Variants in AIFM2 observed in about 807,000 individuals in gnomAD.
The protein encoded by AIFM2 is ferroptosis suppressor protein 1.
A neutral mutation model predicts 35.7 loss-of-function variants in AIFM2; 38 were observed. The ratio of observed to expected loss-of-function variants is 1.06; its 90% CI spans 0.82 to 1.39. The LOEUF is 1.39. AIFM2 is among the 40% of genes most tolerant of loss of function. The pLI, the probability that AIFM2 is intolerant of heterozygous loss-of-function variation, is 0.00. For missense variants in AIFM2, 476 were observed against 491.2 expected, an observed-to-expected ratio of 0.97 and a Z score of 0.29; for synonymous variants, 185 against 203.5, an observed-to-expected ratio of 0.91 and a Z score of 0.77.
intron 3 of AIFM2, among the ~76,000 whole-genome samples, chr10:70,122,825 T>A (rs951973878): frequency 6.6e-6 from 1 of 152,176 alleles, no homozygotes; most frequent in African/African-American, 2.4e-5. Context: ...AATGAAGTTA[T>A]ACCACCTTCG....
intron 5 of AIFM2, among the ~76,000 whole-genome samples, chr10:70,119,867 C>T (rs1365315284): frequency 6.6e-6 from 1 of 152,232 alleles, no homozygotes; most frequent in Admixed American, 6.5e-5. Flanking sequence ...AGGATTTCCT[C>T]TTTCTCGCTA....
rs118135233 is a variant in AIFM2 at position 70,116,662 on chromosome 10, G to C, written c.729C>G (p.Thr243=). The C allele has an allele frequency of 8.7e-6, 14 of 1,614,150 alleles. No homozygotes were observed. The South Asian group carries it at 1.5e-4, about 18-fold the overall frequency. ...EVATNLVILC[T]GIKINSSAYR... ...AGGCGGAGCTGTTGATCTTGATGCC[G>C]GTGCAGAGAATCACCAGGTTGGTGG... The change falls in exon 7 of 9, where the codon ACC becomes ACG. Residue 243 remains threonine, a synonymous_variant. Coordinates refer to ENST00000307864, the MANE Select transcript of AIFM2 (RefSeq NM_032797.6).
chr10:70,113,514 G>A lies in AIFM2; in HGVS notation c.*664C>T, dbSNP rs1010275977. ...TGCACTCCAGCCTGGGTGACAGGGC[G>A]AGACTGTCTCAAAAATAAATAAACA... On this transcript the variant is annotated 3_prime_UTR_variant, in exon 9 of 9. Coordinates refer to ENST00000307864, the MANE Select transcript of AIFM2 (RefSeq NM_032797.6). 2 of 152,380 alleles carry A rather than the reference G, an allele frequency of 1.3e-5. No individual in the cohort carries two copies. Among genetic ancestry groups the A allele is most frequent in the African/African-American group, 2.4e-5 (1 of 41,458 alleles). The allele number at this position is 152,380 out of a possible 1,614,324, so 9.4% of individuals were successfully genotyped here.
chr10:70,124,132 A>G (rs1564553911), intron 1 of AIFM2, 35 bp from the exon 2 acceptor site: 7 of 1,387,032 alleles, frequency 5.0e-6, no homozygotes, highest in Non-Finnish European at 5.7e-6. Context: ...TATCAGAGTC[A>G]GGGAGGCTGG....
In AIFM2 at chr10:70,117,684, G is replaced by A; in HGVS notation, c.616+128C>T. ...CTGAGCGCTTCATGCTCCACCCCAG[G>A]ACACAGTGGAAAAGAGAGAGCCTGG... is the stretch of plus-strand genomic sequence containing the variant. On this transcript the variant is annotated intron_variant, in intron 6 of 8. Transcript: ENST00000307864. This position sits in a 1 kb window ranked among gnomAD's most constrained non-coding sequence, Gnocchi z 4.7. The A allele has an allele frequency of 1.5e-6, 1 of 686,878 alleles. No homozygotes were observed. The highest frequency in any genetic ancestry group is 2.4e-6 in the Non-Finnish European group (1 of 423,270). The allele number at this position is 686,878 out of a possible 1,614,324, so 42.5% of individuals were successfully genotyped here. A position where few individuals can be genotyped will look rare whatever the true frequency, so the allele number is the denominator to read the frequency against.
chr10:70,114,422 T>G (rs2072410912), intron 8 of AIFM2, 93 bp from the exon 9 acceptor site: 1 of 1,499,702 alleles, frequency 6.7e-7, no homozygotes, highest in East Asian at 2.3e-5. Flanking sequence ...GCCTTCAGAC[T>G]CAGGGCCGGA....
At chr10:70,116,332 A>C (rs1468392291) in intron 7 of AIFM2, among the ~76,000 whole-genome samples, 5 of 152,184 alleles carry the variant, frequency 3.3e-5, no homozygotes, top group African/African-American at 9.7e-5. Context: ...GGGGAAAGAA[A>C]CACCACCAAC....
intron 1 of AIFM2, among the ~76,000 whole-genome samples, chr10:70,125,509 T>C (rs1002198183): frequency 2.0e-4 from 28 of 143,370 alleles, no homozygotes; most frequent in African/African-American, 5.4e-4. Context: ...GCCCCGCTAA[T>C]TGGGAGGCCG....
At chr10:70,121,560 C>T (rs562028682) in intron 3 of AIFM2, among the ~76,000 whole-genome samples, 1 of 152,084 alleles carries the variant, frequency 6.6e-6, no homozygotes, top group Non-Finnish European at 1.5e-5. Flanking sequence ...GGAGTTAGCT[C>T]AGAACCTCCC....
intron 3 of AIFM2, among the ~76,000 whole-genome samples, chr10:70,122,439 C>G (rs1262766772): frequency 6.6e-6 from 1 of 152,226 alleles, no homozygotes; most frequent in African/African-American, 2.4e-5. Context: ...TGTCAACGCC[C>G]CCTTAGCTTC....
rs2136653873 is a variant in AIFM2 at position 70,117,330 on chromosome 10, A to G, written c.616+482T>C. Among the ~76,000 whole-genome samples, 1 of 152,348 alleles carries G rather than the reference A, an allele frequency of 6.6e-6. No homozygotes were observed. The highest frequency in any genetic ancestry group is 1.9e-4 in the East Asian group (1 of 5,184). On this transcript the variant is annotated intron_variant, in intron 6 of 8. Transcript: ENST00000307864. This position sits in a 1 kb window ranked among gnomAD's most constrained non-coding sequence, Gnocchi z 4.7. ...CCCCATGCAGTGAAGTGTAGGGGCC[A>G]CAGCGCTGGAAGAGAACCTCACTTT... is the stretch of plus-strand genomic sequence containing the variant.
chr10:70,114,770 A>G (rs72807044), intron 8 of AIFM2, 150 bp downstream of exon 8: 76,713 of 1,028,050 alleles, frequency 0.075, 4,241 homozygotes, highest in East Asian at 0.2. Flanking sequence ...CACCGCGCCC[A>G]GCCTATTTTT....
At chr10:70,127,271 A>C (rs1354372783) in intron 1 of AIFM2, among the ~76,000 whole-genome samples, 1 of 152,232 alleles carries the variant, frequency 6.6e-6, no homozygotes. Flanking sequence ...TTAGCTGGGC[A>C]TGGCCCCTGA....
Position 70,117,927 on chromosome 10 carries a change from A to C in AIFM2, c.508-7T>G, listed in dbSNP as rs2072456384. On this transcript the variant is annotated splice_polypyrimidine_tract_variant and splice_region_variant and intron_variant, in intron 5 of 8. Transcript: ENST00000307864. This position sits in a 1 kb window ranked among gnomAD's most constrained non-coding sequence, Gnocchi z 4.7. The stretch of plus-strand genomic sequence containing the variant: ...GGGAGTGAATGAGAGTGACCTGAGG[A>C]CAAAACGACCACAGGGCCTGAGAAG... The C allele has an allele frequency of 1.2e-6, 2 of 1,601,068 alleles. No homozygotes were observed. The highest frequency in any genetic ancestry group is 4.5e-5 in the East Asian group (2 of 44,078).
Position 70,113,649 on chromosome 10 carries a change from T to C in AIFM2, c.*529A>G, listed in dbSNP as rs1350950368. 6.6e-6 allele frequency: 1 copy of C among 152,612 alleles called. No homozygotes were observed. Among genetic ancestry groups the C allele is most frequent in the Non-Finnish European group, 1.5e-5 (1 of 68,338 alleles). The allele number at this position is 152,612 out of a possible 1,614,324, so 9.5% of individuals were successfully genotyped here. A position where few individuals can be genotyped will look rare whatever the true frequency, so the allele number is the denominator to read the frequency against. ...AGGCTCCTGTGAAGTCCCTGGTTGT[T>C]GCAGAATGTATGGGCTCCCCGACCG... On this transcript the variant is annotated 3_prime_UTR_variant, in exon 9 of 9. Coordinates refer to ENST00000307864, the MANE Select transcript of AIFM2 (RefSeq NM_032797.6).
chr10:70,113,126 T>A lies in AIFM2; in HGVS notation c.*1052A>T, dbSNP rs1442001639. On this transcript the variant is annotated 3_prime_UTR_variant, in exon 9 of 9. Coordinates refer to ENST00000307864, the MANE Select transcript of AIFM2 (RefSeq NM_032797.6). ...CAGGCCAGGCTGCAGTCTCAACCCC[T>A]GCTAGCCGTGTAAAAATGCACTCTG... 1 of 152,250 alleles carries A rather than the reference T, an allele frequency of 6.6e-6. No individual in the cohort carries two copies. The highest frequency in any genetic ancestry group is 1.5e-5 in the Non-Finnish European group (1 of 68,040). 9.4% of individuals were successfully genotyped at this position (152,250 alleles called of 1,614,324 possible). A position where few individuals can be genotyped will look rare whatever the true frequency, so the allele number is the denominator to read the frequency against.
intron 3 of AIFM2, among the ~76,000 whole-genome samples, 196 bp downstream of exon 3, chr10:70,123,209 G>C (rs2072528502): frequency 6.6e-6 from 1 of 152,192 alleles, no homozygotes; most frequent in South Asian, 2.1e-4. Context: ...AGTAGAGACA[G>C]GGTTTTGCCA....
intron 7 of AIFM2, among the ~76,000 whole-genome samples, chr10:70,116,007 G>T (rs2072431600): frequency 6.6e-6 from 1 of 152,040 alleles, no homozygotes; most frequent in South Asian, 2.1e-4. Flanking sequence ...TGGACACAAG[G>T]CAGGAGCTCC....
intron 8 of AIFM2, 151 bp from the exon 9 acceptor site, chr10:70,114,480 G>A: frequency 3.9e-6 from 4 of 1,025,784 alleles, no homozygotes; most frequent in Non-Finnish European, 5.6e-6. Context: ...ATTTTTTTTT[G>A]TTTGTTTTTT....
Sources: allele counts gnomAD v4.1 joint callset (sites outside exome capture counted in the v4.1 genomes callset), GRCh38; gene constraint gnomAD v4.1.1; non-coding constraint Gnocchi (gnomAD v3.1); transcripts MANE v1.5; gene names NCBI Gene and HGNC (gene_info 2026-07-23, HGNC 2026-07-21).